ENOX1: variants seen among roughly 807,000 people sequenced by gnomAD.
ENOX1 encodes ecto-NOX disulfide-thiol exchanger 1.
In ENOX1, 42 loss-of-function variants were observed where a neutral mutation model predicts 82.5. The observed-to-expected ratio is 0.51, with a 90% CI of 0.40 to 0.66. The LOEUF (loss-of-function observed/expected upper bound fraction) is 0.66. Among genes scored for constraint, ENOX1 ranks in the 30% least tolerant of loss-of-function variants. The pLI, the probability that ENOX1 is intolerant of heterozygous loss-of-function variation, is 0.00. For synonymous variants in ENOX1, 271 were observed against 282.2 expected, an observed-to-expected ratio of 0.96 and a Z score of 0.40; for missense variants, 608 against 811.6, an observed-to-expected ratio of 0.75 and a Z score of 3.05.
At chr13:43,406,165 AG>A (rs2053781338) in intron 5 of ENOX1, among the ~76,000 whole-genome samples, 1 of 152,240 alleles carries the variant, frequency 6.6e-6, no homozygotes, top group African/African-American at 2.4e-5. Flanking sequence ...GAAGGAAATT[AG>A]AAAAAAGTAC....
intron 11 of ENOX1, chr13:43,321,231 C>T: frequency 4.5e-6 from 2 of 440,588 alleles, no homozygotes; most frequent in South Asian, 3.3e-5. Context: ...CTTCCCCACA[C>T]CCTGTAGCCA....
chr13:43,567,443 T>A (rs1364734966), intron 2 of ENOX1, among the ~76,000 whole-genome samples: 1 of 152,172 alleles, frequency 6.6e-6, no homozygotes, highest in African/African-American at 2.4e-5. Context: ...ATGTTTAATA[T>A]GCTTTAAAAT....
chr13:43,436,270 T>C (rs2056023212), intron 3 of ENOX1, among the ~76,000 whole-genome samples: 1 of 152,168 alleles, frequency 6.6e-6, no homozygotes, highest in Admixed American at 6.6e-5. Flanking sequence ...TTATAAAAGA[T>C]AGACTGAAAA....
chr13:43,303,695 C>T (rs931618339), intron 11 of ENOX1, among the ~76,000 whole-genome samples: 1 of 151,944 alleles, frequency 6.6e-6, no homozygotes, highest in African/African-American at 2.4e-5. Context: ...TTTGGTTAGG[C>T]CATCTTTATA....
At position 43,259,043 on chromosome 13, in the gene ENOX1, C is replaced by T. The variant is rs185974165; in HGVS notation, c.1611+6355G>A. 2.6e-5 allele frequency among the ~76,000 whole-genome samples: 4 copies of T among 152,256 alleles called. No homozygotes were observed. The East Asian group carries it at 5.8e-4, about 22-fold the overall frequency. ...GGTCTCCAAAACCTTGCCCAGTGCC[C>T]AGTGTGTCCAAGGCTGGGTAACAGT... On this transcript the variant is annotated intron_variant, in intron 14 of 16. Transcript: ENST00000690772.
chr13:43,487,749 A>G (rs1020540499), intron 2 of ENOX1, among the ~76,000 whole-genome samples: 14 of 152,170 alleles, frequency 9.2e-5, no homozygotes, highest in African/African-American at 3.4e-4. Context: ...GACAGAAACC[A>G]CACACCCTTT....
intron 5 of ENOX1, among the ~76,000 whole-genome samples, chr13:43,393,385 T>C (rs1288730677): frequency 2.0e-5 from 3 of 152,202 alleles, no homozygotes; most frequent in Admixed American, 6.5e-5. Flanking sequence ...ATAGATTAGA[T>C]AAAAGGGGCA....
intron 1 of ENOX1, among the ~76,000 whole-genome samples, chr13:43,687,377 G>A (rs549195000): frequency 4.6e-5 from 7 of 152,268 alleles, no homozygotes; most frequent in Non-Finnish European, 1.0e-4. Context: ...TCAATCTGGA[G>A]TATTGGGTGT....
intron 5 of ENOX1, among the ~76,000 whole-genome samples, chr13:43,404,551 A>G (rs1040218314): frequency 6.6e-6 from 1 of 152,238 alleles, no homozygotes; most frequent in South Asian, 2.1e-4. Context: ...AAGCTTCTCC[A>G]ATACCTCCAA....
chr13:43,378,265 A>G (rs1323149), intron 5 of ENOX1, among the ~76,000 whole-genome samples: 1 of 152,150 alleles, frequency 6.6e-6, no homozygotes, highest in African/African-American at 2.4e-5. Flanking sequence ...GGAACTCTGG[A>G]AAAGTCTGAC....
chr13:43,382,724 A>T (rs1208795089), intron 5 of ENOX1, among the ~76,000 whole-genome samples: 2 of 152,216 alleles, frequency 1.3e-5, no homozygotes, highest in Non-Finnish European at 2.9e-5. Flanking sequence ...TGATTTCACA[A>T]GTATATACAT....
At chr13:43,263,267 T>C (rs1367845530) in intron 14 of ENOX1, among the ~76,000 whole-genome samples, 1 of 151,762 alleles carries the variant, frequency 6.6e-6, no homozygotes, top group Non-Finnish European at 1.5e-5. Flanking sequence ...GGGAGGGAGG[T>C]GGCCACCCGC....
chr13:43,621,426 A>C (rs781305635), intron 2 of ENOX1, among the ~76,000 whole-genome samples: 1 of 152,312 alleles, frequency 6.6e-6, no homozygotes, highest in South Asian at 2.1e-4. Flanking sequence ...TCCTTTTAGC[A>C]GTTCCTGTAG....
At chr13:43,364,823 A>G (rs769720928) in intron 5 of ENOX1, among the ~76,000 whole-genome samples, 4 of 152,198 alleles carry the variant, frequency 2.6e-5, no homozygotes, top group Non-Finnish European at 5.9e-5. Context: ...ACTCAGCAAA[A>G]GAGTCGGGAC....
chr13:43,381,516 A>G (rs1012609285), intron 5 of ENOX1, among the ~76,000 whole-genome samples: 4 of 151,354 alleles, frequency 2.6e-5, no homozygotes, highest in Admixed American at 2.6e-4. Flanking sequence ...TGAGCCTGAA[A>G]TAAGCAGAAA....
chr13:43,714,655 T>C (rs1403648816), intron 1 of ENOX1, among the ~76,000 whole-genome samples: 1 of 152,238 alleles, frequency 6.6e-6, no homozygotes, highest in Non-Finnish European at 1.5e-5. Flanking sequence ...ATTGATCCCT[T>C]TACCATTATG....
chr13:43,779,264 G>A (rs1156759702), intron 1 of ENOX1, among the ~76,000 whole-genome samples: 1 of 151,664 alleles, frequency 6.6e-6, no homozygotes, highest in African/African-American at 2.4e-5. Flanking sequence ...TTAAGTACAA[G>A]TTATTTATTT....
At chr13:43,552,087 G>C (rs1218380772) in intron 2 of ENOX1, among the ~76,000 whole-genome samples, 1 of 152,002 alleles carries the variant, frequency 6.6e-6, no homozygotes. Flanking sequence ...CACTCTGAGA[G>C]GTTTCTGATC....
chr13:43,355,909 T>G lies in ENOX1; in HGVS notation c.823+10A>C, dbSNP rs756908462. On this transcript the variant is annotated intron_variant, in intron 8 of 16. Transcript: ENST00000690772. ...GTGGAGGAAGAAAAGCCAGCGTGGG[T>G]GGCCCATACCTTTCAGCTTTTCAGC... 9.4e-6 allele frequency: 15 copies of G among 1,604,072 alleles called. No individual in the cohort carries two copies. In the East Asian group the frequency reaches 3.1e-4, roughly 33 times the overall value.
Sources: allele counts gnomAD v4.1 joint callset (sites outside exome capture counted in the v4.1 genomes callset), GRCh38; gene constraint gnomAD v4.1.1; transcripts MANE v1.5; gene names NCBI Gene and HGNC (gene_info 2026-07-23, HGNC 2026-07-21).